MCC: variants seen among roughly 807,000 people sequenced by gnomAD.
The protein encoded by MCC is MCC regulator of Wnt signaling pathway.
In MCC, 90 loss-of-function variants were observed where a neutral mutation model predicts 116.2. The observed-to-expected ratio is 0.77, with a 90% CI of 0.65 to 0.92. MCC has a LOEUF of 0.92. MCC is among the 40% of genes least tolerant of loss of function. The pLI is 0.00. For synonymous variants in MCC, 578 were observed against 510.5 expected (o/e 1.13, Z -1.78); for missense variants, 1,516 against 1,312.2 (o/e 1.16, Z -2.40).
At chr5:113,270,910 A>T (rs1370489635) in intron 3 of MCC, among the ~76,000 whole-genome samples, 6 of 151,496 alleles carry the variant, frequency 4.0e-5, no homozygotes, top group South Asian at 4.2e-4. Flanking sequence ...CCCTGCAAAA[A>T]ATATATATAT....
chr5:113,467,510 T>C (rs1771945965), intron 1 of MCC, among the ~76,000 whole-genome samples: 3 of 152,202 alleles, frequency 2.0e-5, no homozygotes. Context: ...GCAGCATTAT[T>C]TCTGAGGGCT....
chr5:113,201,114 A>G (rs925065214), intron 3 of MCC, among the ~76,000 whole-genome samples: 3 of 152,092 alleles, frequency 2.0e-5, no homozygotes, highest in African/African-American at 7.2e-5. Flanking sequence ...GGCTGGGCAC[A>G]GGGGCTCAGG....
intron 3 of MCC, among the ~76,000 whole-genome samples, chr5:113,214,998 ACCATTTCCCTTACTTGGAACACAATCC>A (rs375287488): frequency 0.047 from 7,073 of 152,104 alleles, 560 homozygotes; most frequent in African/African-American, 0.16. Flanking sequence ...TTGCACACAA[ACCATTTCCCTTACTTGGAACACAATCC>A]CCATTTCCCT....
At chr5:113,170,928 C>T (rs562540942) in intron 3 of MCC, among the ~76,000 whole-genome samples, 34 of 152,214 alleles carry the variant, frequency 2.2e-4, no homozygotes, top group African/African-American at 7.7e-4. Flanking sequence ...TTGGCTCCCA[C>T]ACTGGGCGTT....
chr5:113,026,295 G>A lies in MCC; in HGVS notation c.*1007C>T, dbSNP rs941944707. The A allele has an allele frequency of 1.3e-5, 2 of 152,208 alleles. No individual in the cohort carries two copies. The highest frequency in any genetic ancestry group is 2.4e-5 in the African/African-American group (1 of 41,440). 9.4% of individuals were successfully genotyped at this position (152,208 alleles called of 1,614,324 possible). The stretch of plus-strand genomic sequence containing the variant: ...GGTTACACAGCACTCTTAAGTAGGC[G>A]TGATAAGTTTTGCAAAATGTTCAGT... On this transcript the variant is annotated 3_prime_UTR_variant, in exon 19 of 19. Transcript: ENST00000408903.
Position 113,340,545 on chromosome 5 carries a change from C to A in MCC, c.601G>T (p.Gly201Ter), listed in dbSNP as rs1315034857. Reference protein sequence around the residue: ...QSPHIGNSVGGSYLELANTLH... With the variant: ...QSPHIGNSVG ...GTGTTGGCCAGCTCTAGATAGCTTCCTCCTACAGAGTTGCCAATGTGCGGG... is the reference window on the plus strand; with the variant it reads ...GTGTTGGCCAGCTCTAGATAGCTTCATCCTACAGAGTTGCCAATGTGCGGG... Residue 201 changes from glycine to a stop codon, truncating the protein, a stop_gained, in exon 3 of 19, where the codon GGA becomes TGA. Transcript: ENST00000408903. LOFTEE classifies it high-confidence loss of function. 3 of 1,614,060 alleles carry A rather than the reference C, an allele frequency of 1.9e-6. No homozygotes were observed. Among genetic ancestry groups the A allele is most frequent in the Admixed American group, 1.7e-5 (1 of 59,996 alleles).
At chr5:113,477,216 G>A (rs1772255391) in intron 1 of MCC, among the ~76,000 whole-genome samples, 2 of 152,198 alleles carry the variant, frequency 1.3e-5, no homozygotes, top group Non-Finnish European at 1.5e-5. Flanking sequence ...GGCCTAGACT[G>A]TAGGTAGTTG....
At chr5:113,309,047 T>G (rs1005207398) in intron 3 of MCC, among the ~76,000 whole-genome samples, 1 of 152,190 alleles carries the variant, frequency 6.6e-6, no homozygotes, top group African/African-American at 2.4e-5. Context: ...AGTCAAATAA[T>G]AAATCTCTTT....
chr5:113,410,754 C>A (rs148254646), intron 1 of MCC, among the ~76,000 whole-genome samples: 9 of 152,210 alleles, frequency 5.9e-5, no homozygotes, highest in African/African-American at 1.9e-4. Flanking sequence ...TATCCCTCCC[C>A]CAACGCTCCA....
intron 1 of MCC, among the ~76,000 whole-genome samples, chr5:113,407,548 T>A (rs1258817886): frequency 6.6e-6 from 1 of 152,206 alleles, no homozygotes; most frequent in Non-Finnish European, 1.5e-5. Context: ...GCTCCTGTAC[T>A]CACTCCACCA....
rs565631064 is a variant in MCC at position 113,485,345 on chromosome 5, C to T, written c.170+2900G>A. Among the ~76,000 whole-genome samples, 9 of 152,314 alleles carry T rather than the reference C, an allele frequency of 5.9e-5. No homozygotes were observed. The South Asian group carries it at 1.7e-3, about 28-fold the overall frequency. ...GGGGGTTTATTATAGGTATTAACCG[C>T]TACTTGCCCACCCAATATCTATTTC... On this transcript the variant is annotated intron_variant, in intron 1 of 18. Coordinates refer to ENST00000408903, the MANE Select transcript of MCC (RefSeq NM_001085377.2).
chr5:113,365,731 A>C (rs1272948451), intron 2 of MCC, among the ~76,000 whole-genome samples: 1 of 152,212 alleles, frequency 6.6e-6, no homozygotes, highest in Non-Finnish European at 1.5e-5. Context: ...AGGAAACATG[A>C]TGCTGGCATC....
chr5:113,402,166 C>G (rs1338035878), intron 1 of MCC, among the ~76,000 whole-genome samples: 1 of 151,864 alleles, frequency 6.6e-6, no homozygotes, highest in Non-Finnish European at 1.5e-5. Context: ...TAGTGGCAGG[C>G]GCCTGTAGTC....
intron 2 of MCC, among the ~76,000 whole-genome samples, chr5:113,384,590 GC>G (rs1336856595): frequency 6.6e-6 from 1 of 151,848 alleles, no homozygotes; most frequent in Non-Finnish European, 1.5e-5. Flanking sequence ...TCCGTCCCCC[GC>G]CCCCCAAAAA....
chr5:113,289,356 A>G (rs1581371913), intron 3 of MCC, among the ~76,000 whole-genome samples: 1 of 151,862 alleles, frequency 6.6e-6, no homozygotes, highest in South Asian at 2.1e-4. Context: ...TGAAAAGAAA[A>G]AAGAAAGAAG....
chr5:113,416,176 T>C (rs1244917823), intron 1 of MCC, among the ~76,000 whole-genome samples: 1 of 152,198 alleles, frequency 6.6e-6, no homozygotes, highest in Non-Finnish European at 1.5e-5. Flanking sequence ...GCTGTTCCTA[T>C]TCGGCCATCT....
intron 5 of MCC, among the ~76,000 whole-genome samples, chr5:113,132,471 CACACACAT>C (rs1347934551): frequency 3.0e-5 from 4 of 135,416 alleles, no homozygotes; most frequent in South Asian, 2.4e-4. Context: ...CACACACACA[CACACACAT>C]ACATATATAT....
At position 113,027,192 on chromosome 5, in the gene MCC, T is replaced by C; in HGVS notation, c.*110A>G. 1 of 1,198,532 alleles carries C rather than the reference T, an allele frequency of 8.3e-7. No homozygotes were observed. The highest frequency in any genetic ancestry group is 1.5e-5 in the South Asian group (1 of 66,092). 74.2% of individuals were successfully genotyped at this position (1,198,532 alleles called of 1,614,324 possible). On this transcript the variant is annotated 3_prime_UTR_variant, in exon 19 of 19. Transcript: ENST00000408903. ...TCCATTGTCCAAGTGCCGACCTACC[T>C]GCCAGCCTTCCCTTTCCTCCTCCTC...
intron 3 of MCC, among the ~76,000 whole-genome samples, chr5:113,268,678 C>G (rs530022978): frequency 6.6e-6 from 1 of 152,262 alleles, no homozygotes; most frequent in Admixed American, 6.5e-5. Flanking sequence ...AATTTACTAT[C>G]TAATTTAACA....
Sources: allele counts gnomAD v4.1 joint callset (sites outside exome capture counted in the v4.1 genomes callset), GRCh38; gene constraint gnomAD v4.1.1; transcripts MANE v1.5; gene names NCBI Gene and HGNC (gene_info 2026-07-23, HGNC 2026-07-21).